The following PALM2AKAP2 variants were observed in gnomAD, a reference collection of about 807,000 sequenced individuals.
The protein encoded by PALM2AKAP2 is PALM2 and AKAP2 fusion, also known as PALM2-AKAP2 fusion protein.
PALM2AKAP2 carries 37 observed loss-of-function variants against 71.5 expected under a neutral mutation model. The observed-to-expected ratio is 0.52, with a 90% CI of 0.40 to 0.68. PALM2AKAP2 has a LOEUF of 0.68. PALM2AKAP2 is among the 30% of genes least tolerant of loss of function. The pLI, the probability that PALM2AKAP2 is intolerant of heterozygous loss-of-function variation, is 0.00. For missense variants in PALM2AKAP2, 1,224 were observed against 1,191.8 expected (o/e 1.03, Z -0.40); for synonymous variants, 468 against 478.8 (o/e 0.98, Z 0.29).
chr9:110,047,753 G>GA (rs1432341928), upstream of PALM2AKAP2, among the ~76,000 whole-genome samples: 14 of 152,222 alleles, frequency 9.2e-5, no homozygotes, highest in African/African-American at 2.7e-4. Context: ...GCTTGCTTTT[G>GA]AAAGTGTTGC....
chr9:109,731,865 A>T (rs1387581474), intron 1 of PALM2AKAP2, among the ~76,000 whole-genome samples: 1 of 152,128 alleles, frequency 6.6e-6, no homozygotes, highest in Non-Finnish European at 1.5e-5. Flanking sequence ...AGAGGGTAAG[A>T]TCTGTGTCTT....
At chr9:110,126,619 T>C (rs1385089934) in intron 1 of PALM2AKAP2, among the ~76,000 whole-genome samples, 1 of 152,186 alleles carries the variant, frequency 6.6e-6, no homozygotes, top group Non-Finnish European at 1.5e-5. Context: ...TCTCTCCTTA[T>C]TCACGGGAAA....
intron 6 of PALM2AKAP2, among the ~76,000 whole-genome samples, chr9:110,003,301 T>C (rs926778699): frequency 2.0e-5 from 3 of 152,218 alleles, no homozygotes; most frequent in African/African-American, 7.2e-5. Context: ...CCAGTAGTCA[T>C]TCAGGAGCAG....
intron 1 of PALM2AKAP2, among the ~76,000 whole-genome samples, chr9:109,730,225 G>A (rs1170710812): frequency 6.6e-6 from 1 of 152,174 alleles, no homozygotes; most frequent in African/African-American, 2.4e-5. Context: ...TTCATAGCAG[G>A]AATCTATAAG....
chr9:109,880,764 A>G, intron 3 of PALM2AKAP2, 83 bp downstream of exon 3: 1 of 1,518,596 alleles, frequency 6.6e-7, no homozygotes, highest in African/African-American at 1.4e-5. Context: ...GCCTTTCTCA[A>G]TACTGTTACC....
At chr9:109,833,541 C>T (rs115967239) in intron 1 of PALM2AKAP2, among the ~76,000 whole-genome samples, 2,829 of 152,174 alleles carry the variant, frequency 0.019, 90 homozygotes, top group African/African-American at 0.063. Context: ...GCCCAGTCAG[C>T]GGTCCCAGCT....
chr9:109,841,469 G>A (rs1393378787), intron 1 of PALM2AKAP2, among the ~76,000 whole-genome samples: 9 of 108,586 alleles, frequency 8.3e-5, no homozygotes, highest in Non-Finnish European at 1.4e-4. Context: ...TACCTATGTA[G>A]CAAACCTGCA....
intron 3 of PALM2AKAP2, among the ~76,000 whole-genome samples, chr9:110,160,709 C>T (rs1466917049): frequency 2.6e-5 from 4 of 152,252 alleles, no homozygotes; most frequent in East Asian, 1.9e-4. Flanking sequence ...ATGAACATCT[C>T]GAGGGTTTGC....
At chr9:109,672,628 T>G (rs1827591134) in intron 1 of PALM2AKAP2, among the ~76,000 whole-genome samples, 1 of 152,028 alleles carries the variant, frequency 6.6e-6, no homozygotes, top group African/African-American at 2.4e-5. Flanking sequence ...ATAGAAAGAG[T>G]TAGGGAGAAG....
intron 6 of PALM2AKAP2, among the ~76,000 whole-genome samples, chr9:109,987,887 G>C (rs1832409723): frequency 2.0e-5 from 3 of 152,222 alleles, no homozygotes; most frequent in Admixed American, 2.0e-4. Flanking sequence ...TTCTTCATCT[G>C]TGTCTCTTTT....
At chr9:109,663,050 C>A (rs916383202) in intron 1 of PALM2AKAP2, among the ~76,000 whole-genome samples, 11 of 151,788 alleles carry the variant, frequency 7.2e-5, no homozygotes, top group Non-Finnish European at 1.5e-4. Context: ...CTATTTGATT[C>A]TTCTCTCCTT....
chr9:109,849,224 G>A (rs1022110314), intron 1 of PALM2AKAP2, among the ~76,000 whole-genome samples: 2 of 152,176 alleles, frequency 1.3e-5, no homozygotes, highest in African/African-American at 4.8e-5. Flanking sequence ...CCTGGGAACA[G>A]GAATCTTGCA....
chr9:109,892,586 C>T (rs1203939427), intron 3 of PALM2AKAP2, among the ~76,000 whole-genome samples: 2 of 152,076 alleles, frequency 1.3e-5, no homozygotes, highest in Non-Finnish European at 2.9e-5. Flanking sequence ...TATGTTTCAG[C>T]CTTAGTTTAT....
At chr9:109,998,577 G>C (rs1316622280) in intron 6 of PALM2AKAP2, among the ~76,000 whole-genome samples, 2 of 136,014 alleles carry the variant, frequency 1.5e-5, no homozygotes, top group Non-Finnish European at 3.0e-5. Context: ...TTATTTTTCT[G>C]AATTGTTTGT....
chr9:109,734,505 G>A (rs139840238), intron 1 of PALM2AKAP2, among the ~76,000 whole-genome samples: 295 of 152,254 alleles, frequency 1.9e-3, no homozygotes, highest in African/African-American at 6.9e-3. Context: ...TGTGTCTAGT[G>A]TCTACCACAT....
intron 1 of PALM2AKAP2, among the ~76,000 whole-genome samples, chr9:109,669,368 C>CT (rs1827540267): frequency 6.6e-6 from 1 of 151,604 alleles, no homozygotes; most frequent in South Asian, 2.1e-4. Context: ...TGTCAGGCTT[C>CT]TTTATCTATG....
At chr9:110,005,279 G>C (rs920998243) in intron 6 of PALM2AKAP2, among the ~76,000 whole-genome samples, 1 of 152,216 alleles carries the variant, frequency 6.6e-6, no homozygotes, top group Non-Finnish European at 1.5e-5. Context: ...GTTGGAGTTT[G>C]GTGAAAGTCC....
intron 3 of PALM2AKAP2, among the ~76,000 whole-genome samples, chr9:109,915,965 A>G (rs1473194851): frequency 6.6e-6 from 1 of 150,858 alleles, no homozygotes; most frequent in Admixed American, 6.6e-5. Context: ...TTTTTTTGAG[A>G]TGGAATCTTG....
chr9:109,703,628 G>T (rs1390102894), intron 1 of PALM2AKAP2, among the ~76,000 whole-genome samples: 4 of 151,944 alleles, frequency 2.6e-5, no homozygotes, highest in South Asian at 4.2e-4. Flanking sequence ...TGGAATCACC[G>T]AGAATAACTG....
Sources: allele counts gnomAD v4.1 joint callset (sites outside exome capture counted in the v4.1 genomes callset), GRCh38; gene constraint gnomAD v4.1.1; transcripts MANE v1.5; gene names NCBI Gene and HGNC (gene_info 2026-07-23, HGNC 2026-07-21).